MAMSTR: variants seen among roughly 807,000 people sequenced by gnomAD.
MAMSTR encodes the protein MEF2-activating motif and SAP domain-containing transcriptional regulator.
MAMSTR carries 41 observed loss-of-function variants against 42.7 expected under a neutral mutation model. That is an observed-to-expected ratio of 0.96 (90% CI 0.75 to 1.25). The LOEUF (loss-of-function observed/expected upper bound fraction) is 1.25. MAMSTR is among the 50% of genes most tolerant of loss of function. MAMSTR has a pLI of 0.00. For missense variants in MAMSTR, 567 were observed against 557.6 expected, an observed-to-expected ratio of 1.02 and a Z score of -0.17; for synonymous variants, 265 against 244.1, an observed-to-expected ratio of 1.09 and a Z score of -0.80.
chr19:48,716,755 G>C lies in MAMSTR; in HGVS notation c.59-12C>G. The C allele has an allele frequency of 1.5e-6, 2 of 1,302,842 alleles. No homozygotes were observed. The allele number at this position is 1,302,842 out of a possible 1,614,324, so 80.7% of individuals were successfully genotyped here. A position where few individuals can be genotyped will look rare whatever the true frequency, so the allele number is the denominator to read the frequency against. On this transcript the variant is annotated splice_polypyrimidine_tract_variant and intron_variant, in intron 2 of 9. Coordinates refer to ENST00000318083, the MANE Select transcript of MAMSTR (RefSeq NM_001130915.2). ...CCGAAGCTGGAGGACTGTGGAGGGA[G>C]GAGGGAGGTGGGAGGAGGAAGGCGG...
Position 48,713,773 on chromosome 19 carries a change from G to T in MAMSTR, c.910-3C>A, listed in dbSNP as rs1449503057. ...TCGATGCCCCGGTTAGGAAGCAACT[G>T]CGGATGGAGAAATTTGGCGTGAACT... On this transcript the variant is annotated splice_polypyrimidine_tract_variant and splice_region_variant and intron_variant, in intron 8 of 9. Coordinates refer to ENST00000318083, the MANE Select transcript of MAMSTR (RefSeq NM_001130915.2). 2.5e-6 allele frequency: 4 copies of T among 1,614,230 alleles called. No homozygotes were observed. In the Admixed American group the frequency reaches 6.7e-5, roughly 27 times the overall value.
Position 48,714,849 on chromosome 19 carries a change from G to C in MAMSTR, c.485C>G (p.Pro162Arg), listed in dbSNP as rs373516785. 11 of 1,611,182 alleles carry C rather than the reference G, an allele frequency of 6.8e-6. No homozygotes were observed. Among genetic ancestry groups the C allele is most frequent in the Admixed American group, 3.3e-5 (2 of 59,890 alleles). Residue 162 changes from proline to arginine, a missense_variant, in exon 6 of 10, where the codon CCA becomes CGA. Physicochemically the swap from Pro to Arg is moderately radical, Grantham distance 103 (BLOSUM62 -2). Transcript: ENST00000318083. ...AAGGGTCTGAAGTTCCAACTTGTGTGGGGGGGGCGAGGGGCTAGGGACTCC... is the reference window on the plus strand; with the variant it reads ...AAGGGTCTGAAGTTCCAACTTGTGTCGGGGGGGCGAGGGGCTAGGGACTCC... Reference protein sequence around the residue: ...PPGVPSPSPPPHKLELQTLKL... With the variant: ...PPGVPSPSPPRHKLELQTLKL...
the MAMSTR span, among the ~76,000 whole-genome samples, chr19:48,706,286 C>CAA: frequency 3.2e-4 from 41 of 130,070 alleles, no homozygotes; most frequent in African/African-American, 1.1e-3. Context: ...GACTCCATCT[C>CAA]AAAAAAAAAA....
the MAMSTR span, among the ~76,000 whole-genome samples, chr19:48,706,137 A>G: frequency 6.7e-6 from 1 of 149,860 alleles, no homozygotes; most frequent in Non-Finnish European, 1.5e-5. Flanking sequence ...CATACAAAAC[A>G]TTAGCCAGGG....
chr19:48,714,414 C>T lies in MAMSTR; in HGVS notation c.675G>A (p.Trp225Ter). 2 of 1,390,388 alleles carry T rather than the reference C, an allele frequency of 1.4e-6. No homozygotes were observed. Among genetic ancestry groups the T allele is most frequent in the South Asian group, 3.3e-5 (2 of 60,500 alleles). 86.1% of individuals were successfully genotyped at this position (1,390,388 alleles called of 1,614,324 possible). Residue 225 changes from tryptophan (W) to a stop codon, truncating the protein, a stop_gained, in exon 7 of 10, where the codon TGG becomes TGA. Coordinates refer to ENST00000318083, the MANE Select transcript of MAMSTR (RefSeq NM_001130915.2). LOFTEE classifies it high-confidence loss of function. ...RREDSPAGAP[W>*]PRLKPKALAA... ...CCAGGGCCTTGGGCTTGAGGCGCGG[C>T]CAGGGAGCACCCGCGGGACTGTCCT...
At position 48,714,385 on chromosome 19, in the gene MAMSTR, G is replaced by A; in HGVS notation, c.704C>T (p.Ala235Val). The change falls in exon 7 of 10, where the codon GCC (alanine) becomes GTC (valine). Residue 235 changes from alanine (A) to valine (V), a missense_variant. By Grantham distance (64) the Ala-to-Val change is moderately conservative. Transcript: ENST00000318083. Reference protein sequence around the residue: ...WPRLKPKALAAARRQGSVKPS... With the variant: ...WPRLKPKALAVARRQGSVKPS... Reference sequence around the variant, plus strand: ...CCTCACCGAGCCCTGACGCCGGGCGGCTGCCAGGGCCTTGGGCTTGAGGCG... The same window carrying A: ...CCTCACCGAGCCCTGACGCCGGGCGACTGCCAGGGCCTTGGGCTTGAGGCG... The A allele has an allele frequency of 2.9e-6, 4 of 1,367,080 alleles. No individual in the cohort carries two copies. The highest frequency in any genetic ancestry group is 3.6e-5 in the South Asian group (2 of 56,314). The allele number at this position is 1,367,080 out of a possible 1,614,324, so 84.7% of individuals were successfully genotyped here.
downstream of MAMSTR, among the ~76,000 whole-genome samples, chr19:48,711,739 GTTTTTTTTTT>G (rs34890088): frequency 6.6e-5 from 5 of 76,250 alleles, no homozygotes; most frequent in East Asian, 1.2e-3. Flanking sequence ...TACCTGGCTA[GTTTTTTTTTT>G]TTTTTTTTTT....
In MAMSTR at chr19:48,714,529, C is replaced by A. The variant is rs773278734; in HGVS notation, c.560G>T (p.Arg187Leu). 5.5e-6 allele frequency: 8 copies of A among 1,455,924 alleles called. No homozygotes were observed. Among genetic ancestry groups the A allele is most frequent in the Non-Finnish European group, 6.3e-6 (7 of 1,116,702 alleles). 90.2% of individuals were successfully genotyped at this position (1,455,924 alleles called of 1,614,324 possible). Reference sequence around the variant, plus strand: ...CTTGGTCCCCGACACTGGGAGGCCCCGCAGGCGCAGCTGCTGCCGGAGCTC... The same window carrying A: ...CTTGGTCCCCGACACTGGGAGGCCCAGCAGGCGCAGCTGCTGCCGGAGCTC... ...VSELRQQLRL[R>L]GLPVSGTKSM... Residue 187 changes from arginine to leucine, a missense_variant, in exon 7 of 10, where the codon CGG (arginine) becomes CTG (leucine). Physicochemically the swap from Arg to Leu is moderately radical, Grantham distance 102. Coordinates refer to ENST00000318083, the MANE Select transcript of MAMSTR (RefSeq NM_001130915.2).
Position 48,715,273 on chromosome 19 carries a change from C to A in MAMSTR, c.414G>T (p.Gln138His). Residue 138 changes from glutamine (Q) to histidine (H), a missense_variant, in exon 5 of 10, where the codon CAG becomes CAT. Transcript: ENST00000318083. ...AGTGGGTGTCATACCTAGGATGTGG[C>A]TGCTGCGAGTCTGTCCCTTCCCACA... ...PSLWEGTDSQ[Q>H]PHPRMKPSPL... The A allele has an allele frequency of 6.3e-7, 1 of 1,589,886 alleles. No homozygotes were observed. Among genetic ancestry groups the A allele is most frequent in the Non-Finnish European group, 8.6e-7 (1 of 1,169,114 alleles).
rs2033171888 is a variant in MAMSTR at position 48,719,495 on chromosome 19, T to C, written c.-22+184A>G. Among the ~76,000 whole-genome samples, 1 of 152,130 alleles carries C rather than the reference T, an allele frequency of 6.6e-6. No homozygotes were observed. The highest frequency in any genetic ancestry group is 1.9e-4 in the East Asian group (1 of 5,196). ...CTTAGGAGATGAGAATCCAAGATCC[T>C]GGGTGGAGAGGGGAACGGGGCCCTG... On this transcript the variant is annotated intron_variant, in intron 1 of 9. Transcript: ENST00000318083. The surrounding 1 kb of genome is among the most constrained non-coding windows in gnomAD (Gnocchi z 4.4).
intron 2 of MAMSTR, 108 bp downstream of exon 2, chr19:48,718,866 T>A (rs180832216): frequency 1.8e-6 from 2 of 1,136,366 alleles, no homozygotes; most frequent in East Asian, 5.2e-5. Context: ...CATGACCTTT[T>A]GCACAAAAAA....
chr19:48,716,374 C>CAA lies in MAMSTR; in HGVS notation c.97+329_97+330dup, dbSNP rs35058019. Reference sequence around the variant, plus strand: ...CTGGCGACAGAGCAAGATTCCATCTCAAAAAAAAAAAAAAAAAAAAAAGCT... The same window carrying CAA: ...CTGGCGACAGAGCAAGATTCCATCTCAAAAAAAAAAAAAAAAAAAAAAAAGCT... On this transcript the variant is annotated intron_variant, in intron 3 of 9. Transcript: ENST00000318083. Among the ~76,000 whole-genome samples the CAA allele has an allele frequency of 5.9e-3, 380 of 64,850 alleles. 17 individuals are homozygous for CAA. The highest frequency in any genetic ancestry group is 0.012 in the African/African-American group (197 of 16,326). 42.5% of individuals were successfully genotyped at this position (64,850 alleles called of 152,430 possible).
Position 48,719,064 on chromosome 19 carries a change from G to A in MAMSTR, c.-21-12C>T, listed in dbSNP as rs917044280. Reference sequence around the variant, plus strand: ...GCCGGGATGGGGACCTGGACGGAGAGGGGGCAGGGCAGGGGCCCCATAGAG... The same window carrying A: ...GCCGGGATGGGGACCTGGACGGAGAAGGGGCAGGGCAGGGGCCCCATAGAG... On this transcript the variant is annotated splice_polypyrimidine_tract_variant and intron_variant, in intron 1 of 9. Transcript: ENST00000318083. The surrounding 1 kb of genome is among the most constrained non-coding windows in gnomAD (Gnocchi z 4.4). The A allele has an allele frequency of 1.1e-5, 17 of 1,547,756 alleles. No homozygotes were observed. The highest frequency in any genetic ancestry group is 2.4e-5 in the East Asian group (1 of 40,954).
chr19:48,714,219 G>T, intron 7 of MAMSTR, 147 bp downstream of exon 7: 1 of 983,118 alleles, frequency 1.0e-6, no homozygotes. Context: ...TCCGCCCCCT[G>T]TTAGTCTGAA....
rs1289301680 is a variant in MAMSTR, at chr19:48,715,673, G to A, written c.192C>T (p.Val64=). The A allele has an allele frequency of 1.3e-6, 2 of 1,543,682 alleles. No homozygotes were observed. Among genetic ancestry groups the A allele is most frequent in the South Asian group, 2.4e-5 (2 of 83,192 alleles). The change falls in exon 4 of 10, where the codon GTC becomes GTT. Residue 64 remains valine (V), a synonymous_variant. Transcript: ENST00000318083. ...GTAPFLFSPG[V]LLPEPEYCPP... ...GACAATATTCTGGCTCGGGGAGCAG[G>A]ACCCCAGGGCTGAAGAGGAAAGGGG...
chr19:48,708,665 A>G (rs1340392855), downstream of MAMSTR, among the ~76,000 whole-genome samples: 1 of 152,216 alleles, frequency 6.6e-6, no homozygotes, highest in African/African-American at 2.4e-5. Context: ...TCCTTGGGGC[A>G]GTGCAGGGAC....
At chr19:48,706,675 A>T in the MAMSTR span, among the ~76,000 whole-genome samples, 1 of 152,116 alleles carries the variant, frequency 6.6e-6, no homozygotes, top group Admixed American at 6.6e-5. Context: ...GATTTTTTAG[A>T]TCTCAATATT....
At position 48,713,719 on chromosome 19, in the gene MAMSTR, C is replaced by T. The variant is rs745349713; in HGVS notation, c.961G>A (p.Asp321Asn). 5.0e-6 allele frequency: 8 copies of T among 1,614,234 alleles called. No homozygotes were observed. The highest frequency in any genetic ancestry group is 6.8e-6 in the Non-Finnish European group (8 of 1,180,040). The change falls in exon 9 of 10, where the codon GAT (aspartate) becomes AAT (asparagine). Residue 321 changes from aspartate to asparagine, a missense_variant. Asp to Asn is a conservative substitution (Grantham distance 23). Transcript: ENST00000318083. ...AATCTAGCAGTTTGGATCCTACCATCAGGCTCCACCTGATCCTCCAGGATG... is the reference window on the plus strand; with the variant it reads ...AATCTAGCAGTTTGGATCCTACCATTAGGCTCCACCTGATCCTCCAGGATG... The part of the protein sequence containing the change: ...DDILEDQVEP[D>N]DPLPPIPLDF...
At chr19:48,710,540 G>A (rs1283058556), downstream of MAMSTR, among the ~76,000 whole-genome samples, 2 of 150,134 alleles carry the variant, frequency 1.3e-5, no homozygotes, top group South Asian at 2.1e-4. Flanking sequence ...TCCTGCCTCA[G>A]CCTCCAGAGT....
Sources: gnomAD v4.1 joint callset for allele counts (sites outside exome capture counted in the v4.1 genomes callset) on GRCh38, gnomAD v4.1.1 for gene constraint, Gnocchi (gnomAD v3.1) non-coding constraint, MANE v1.5 for transcripts, NCBI Gene and HGNC (gene_info 2026-07-23, HGNC 2026-07-21) for gene names.